Variants in PDE3B observed in about 807,000 individuals in gnomAD.
PDE3B encodes phosphodiesterase 3B.
PDE3B carries 66 observed loss-of-function variants against 116.8 expected under a neutral mutation model. That is an observed-to-expected ratio of 0.56 (90% CI 0.46 to 0.69). PDE3B has a LOEUF of 0.69. Ranked by LOEUF, PDE3B falls within the 30% of genes least tolerant of loss-of-function variation. The pLI, the probability that PDE3B is intolerant of heterozygous loss-of-function variation, is 0.00. For synonymous variants in PDE3B, 595 were observed against 533.6 expected (o/e 1.12, Z -1.59); for missense variants, 1,384 against 1,368.1 (o/e 1.01, Z -0.18).
the PDE3B span, chr11:14,880,587 T>G: frequency 1.5e-5 from 25 of 1,613,204 alleles, no homozygotes; most frequent in South Asian, 2.7e-4. Context: ...CAGCATTCGT[T>G]ATTAACTGTT....
intron 4 of PDE3B, among the ~76,000 whole-genome samples, chr11:14,801,024 A>G (rs1239734674): frequency 6.6e-6 from 1 of 151,930 alleles, no homozygotes. Flanking sequence ...TTTCTTCTCT[A>G]CACTGATTAT....
chr11:14,766,136 T>G (rs904548900), intron 1 of PDE3B, among the ~76,000 whole-genome samples: 12 of 151,732 alleles, frequency 7.9e-5, no homozygotes, highest in Non-Finnish European at 1.8e-4. Context: ...ACTAAAAAAT[T>G]AAAATATTTT....
chr11:14,861,318 C>T lies in PDE3B; in HGVS notation c.2838C>T (p.Asp946=), dbSNP rs782164320. 1 of 1,613,798 alleles carries T rather than the reference C, an allele frequency of 6.2e-7. No homozygotes were observed. Among genetic ancestry groups the T allele is most frequent in the Non-Finnish European group, 8.5e-7 (1 of 1,179,808 alleles). The change falls in exon 14 of 16, where the codon GAC becomes GAT. Residue 946 remains aspartate, a synonymous_variant. Transcript: ENST00000282096. ...ADINGPAKVR[D]LHLKWTEGIV... ...TAAATGGCCCAGCAAAAGTTCGAGA[C>T]TTGCATTTGAAATGGACAGAAGGCA...
At chr11:14,881,238 G>A in the PDE3B span, among the ~76,000 whole-genome samples, 1 of 152,000 alleles carries the variant, frequency 6.6e-6, no homozygotes, top group Non-Finnish European at 1.5e-5. Flanking sequence ...AAGGGATATG[G>A]TAGACAATCA....
At chr11:14,668,184 T>TTTTTC (rs2133776031) in intron 1 of PDE3B, among the ~76,000 whole-genome samples, 1 of 152,220 alleles carries the variant, frequency 6.6e-6, no homozygotes, top group Non-Finnish European at 1.5e-5. Flanking sequence ...TATCGACGCT[T>TTTTTC]TGAGCATGAC....
chr11:14,688,766 TTTG>T (rs895365830), intron 1 of PDE3B, among the ~76,000 whole-genome samples: 5 of 152,044 alleles, frequency 3.3e-5, no homozygotes, highest in Admixed American at 1.3e-4. Context: ...ATTTGGTTTT[TTTG>T]TTGTTGTTGT....
At position 14,835,107 on chromosome 11, in the gene PDE3B, T is replaced by A; in HGVS notation, c.2320+12T>A. The A allele has an allele frequency of 6.9e-7, 1 of 1,451,920 alleles. No individual in the cohort carries two copies. The highest frequency in any genetic ancestry group is 9.6e-7 in the Non-Finnish European group (1 of 1,041,296). The allele number at this position is 1,451,920 out of a possible 1,614,324, so 89.9% of individuals were successfully genotyped here. On this transcript the variant is annotated intron_variant, in intron 11 of 15. Transcript: ENST00000282096. ...AGGAAATGAAACAGGTACTTCCTTC[T>A]ACAAATCTCTTAATTATTTTGATCA...
Position 14,831,689 on chromosome 11 carries a change from C to T in PDE3B, c.2006C>T (p.Ser669Leu), listed in dbSNP as rs1324464646. The T allele has an allele frequency of 1.9e-6, 3 of 1,596,580 alleles. No individual in the cohort carries two copies. Among genetic ancestry groups the T allele is most frequent in the South Asian group, 1.1e-5 (1 of 89,478 alleles). ...LDLILVEEYDSLIEKMSNWNF... is the reference protein window; with the variant it reads ...LDLILVEEYDLLIEKMSNWNF... ...CTGATTTTAGTAGAAGAGTATGACT[C>T]ATTAATAGAAAAGATGAGCAACTGG... The change falls in exon 9 of 16, where the codon TCA becomes TTA. Residue 669 changes from serine (S) to leucine (L), a missense_variant. Transcript: ENST00000282096.
intron 15 of PDE3B, 53 bp from the exon 16 acceptor site, chr11:14,869,408 A>C: frequency 6.7e-7 from 1 of 1,485,516 alleles, no homozygotes; most frequent in Non-Finnish European, 9.2e-7. Context: ...ATATTTGTTG[A>C]ATGATTAAAT....
intron 1 of PDE3B, among the ~76,000 whole-genome samples, chr11:14,666,602 C>A (rs946666392): frequency 9.2e-5 from 14 of 151,842 alleles, no homozygotes; most frequent in Admixed American, 2.0e-4. Context: ...AAACACACAA[C>A]CCCATCAACA....
chr11:14,834,988 A>G lies in PDE3B; in HGVS notation c.2213A>G (p.Asn738Ser), dbSNP rs1467188333. The G allele has an allele frequency of 1.9e-6, 3 of 1,605,306 alleles. No homozygotes were observed. The highest frequency in any genetic ancestry group is 2.2e-5 in the East Asian group (1 of 44,748). The change falls in exon 11 of 16, where the codon AAT (asparagine) becomes AGT (serine). Residue 738 changes from asparagine (N) to serine (S), a missense_variant. Asn to Ser is a conservative substitution (Grantham distance 46, BLOSUM62 1). Around this residue, in one of 2 missense-constraint regions of PDE3B, gnomAD observed 428 missense variants for 561.4 expected, o/e 0.76. Transcript: ENST00000282096. ...AACGTTTTGGTGACTTTAGATCACA[A>G]TCGTATACATGCCACAGATGTGCTA... The part of the protein sequence containing the change: ...ENGYRDIPYH[N>S]RIHATDVLHA...
At chr11:14,849,183 C>A (rs1847682877) in intron 12 of PDE3B, among the ~76,000 whole-genome samples, 1 of 152,194 alleles carries the variant, frequency 6.6e-6, no homozygotes, top group Admixed American at 6.5e-5. Flanking sequence ...AATAACGCTG[C>A]ATATCTACAA....
chr11:14,879,899 C>T, the PDE3B span, among the ~76,000 whole-genome samples: 1 of 152,094 alleles, frequency 6.6e-6, no homozygotes, highest in Non-Finnish European at 1.5e-5. Flanking sequence ...CTTGCAGACA[C>T]ACAGTGTTTT....
chr11:14,780,349 C>G (rs543082426), intron 2 of PDE3B, among the ~76,000 whole-genome samples: 1 of 152,316 alleles, frequency 6.6e-6, no homozygotes, highest in South Asian at 2.1e-4. Context: ...CACCCCAAAT[C>G]AACAGAATAT....
chr11:14,688,273 T>G (rs1027771847), intron 1 of PDE3B, among the ~76,000 whole-genome samples: 3 of 152,100 alleles, frequency 2.0e-5, no homozygotes, highest in Admixed American at 6.6e-5. Context: ...TATCAAGAAA[T>G]CCATCAATCT....
intron 7 of PDE3B, among the ~76,000 whole-genome samples, chr11:14,823,541 A>G (rs1401031781): frequency 2.0e-5 from 3 of 151,732 alleles, no homozygotes; most frequent in South Asian, 2.1e-4. Flanking sequence ...GCTTTTTTAC[A>G]CAGGTCCTCA....
At chr11:14,828,324 T>C (rs1460228109) in intron 7 of PDE3B, among the ~76,000 whole-genome samples, 1 of 152,210 alleles carries the variant, frequency 6.6e-6, no homozygotes. Flanking sequence ...ACAAATGGGA[T>C]GTAATTATAC....
intron 1 of PDE3B, among the ~76,000 whole-genome samples, chr11:14,764,724 G>T (rs928468720): frequency 6.6e-6 from 1 of 151,842 alleles, no homozygotes; most frequent in African/African-American, 2.4e-5. Flanking sequence ...AGATGAAAAG[G>T]GACAGTGTAT....
At chr11:14,772,129 T>A (rs1209862182) in intron 2 of PDE3B, 142 bp downstream of exon 2, 1 of 458,270 alleles carries the variant, frequency 2.2e-6, no homozygotes, top group Non-Finnish European at 4.0e-6. Context: ...AACTAATAAG[T>A]TAACTAGAAC....
Sources: allele counts gnomAD v4.1 joint callset (sites outside exome capture counted in the v4.1 genomes callset), GRCh38; gene constraint gnomAD v4.1.1; regional missense constraint gnomAD v4.1.1; transcripts MANE v1.5; gene names NCBI Gene and HGNC (gene_info 2026-07-23, HGNC 2026-07-21).